SIL1: variants seen among roughly 807,000 people sequenced by gnomAD.
The protein encoded by SIL1 is SIL1 nucleotide exchange factor.
A neutral mutation model predicts 49.1 loss-of-function variants in SIL1; 40 were observed. The ratio of observed to expected loss-of-function variants is 0.81; its 90% CI spans 0.63 to 1.06. SIL1 has a LOEUF of 1.06. SIL1 is among the 50% of genes least tolerant of loss of function. The pLI is 0.00. For missense variants in SIL1, 500 were observed against 572.6 expected (o/e 0.87, Z 1.29); for synonymous variants, 253 against 250.8 (o/e 1.01, Z -0.08).
chr5:139,040,498 C>CTTTTCT (rs1769021486), intron 5 of SIL1, among the ~76,000 whole-genome samples: 1 of 105,328 alleles, frequency 9.5e-6, no homozygotes, highest in African/African-American at 3.6e-5. Flanking sequence ...TTTCTTTTTT[C>CTTTTCT]TTTTTTTTTT....
chr5:139,055,818 G>A (rs1004535214), intron 3 of SIL1, among the ~76,000 whole-genome samples: 3,751 of 149,898 alleles, frequency 0.025, 157 homozygotes, highest in African/African-American at 0.087. Context: ...TTGCAGGCAC[G>A]CGCCGCCACG....
chr5:138,951,043 GTCCA>G, intron 9 of SIL1, 124 bp downstream of exon 9: 2 of 1,062,372 alleles, frequency 1.9e-6, no homozygotes, highest in Admixed American at 2.0e-5. Context: ...CTGTCTGTCT[GTCCA>G]TCCATCCAGA....
chr5:139,106,201 C>T (rs938969723), intron 3 of SIL1, among the ~76,000 whole-genome samples: 2 of 152,240 alleles, frequency 1.3e-5, no homozygotes, highest in African/African-American at 2.4e-5. Context: ...CCAATCCATA[C>T]TCAAGGTCTG....
In SIL1 at chr5:139,127,831, T is replaced by C; in HGVS notation, c.13A>G (p.Ser5Gly). MAPQ[S>G]LPSSRMAPLG... ...GGAGCCATCCTAGATGAAGGCAGGC[T>C]CTGGGGAGCCATAGTCAGGGACCTG... Residue 5 changes from serine to glycine, a missense_variant, in exon 2 of 10, where the codon AGC (serine) becomes GGC (glycine). Transcript: ENST00000394817. 6.2e-7 allele frequency: 1 copy of C among 1,603,090 alleles called. No homozygotes were observed. The highest frequency in any genetic ancestry group is 1.3e-5 in the African/African-American group (1 of 74,408).
At chr5:138,988,483 G>A (rs918345038) in intron 7 of SIL1, among the ~76,000 whole-genome samples, 3 of 152,052 alleles carry the variant, frequency 2.0e-5, no homozygotes, top group Non-Finnish European at 2.9e-5. Flanking sequence ...TACCTCCTTC[G>A]TTTAAACAAT....
At chr5:139,018,378 T>C (rs1768444431) in intron 7 of SIL1, among the ~76,000 whole-genome samples, 1 of 152,112 alleles carries the variant, frequency 6.6e-6, no homozygotes, top group Non-Finnish European at 1.5e-5. Context: ...GACAGATTGC[T>C]TGAGTCCGGG....
chr5:139,060,994 G>T (rs1413957814), intron 3 of SIL1, among the ~76,000 whole-genome samples: 2 of 152,138 alleles, frequency 1.3e-5, no homozygotes, highest in African/African-American at 2.4e-5. Flanking sequence ...GAGTGAGGAG[G>T]TTCATCTGTA....
At chr5:138,997,471 G>A (rs1767894527) in intron 7 of SIL1, among the ~76,000 whole-genome samples, 1 of 152,066 alleles carries the variant, frequency 6.6e-6, no homozygotes. Flanking sequence ...CTGGGTTCTG[G>A]GTTCTGTTCC....
intron 1 of SIL1, among the ~76,000 whole-genome samples, chr5:139,141,894 A>G (rs1197684759): frequency 2.6e-5 from 4 of 152,182 alleles, no homozygotes; most frequent in Non-Finnish European, 5.9e-5. Context: ...TTATCAGCTG[A>G]CTTGTTCTGA....
At chr5:139,017,977 T>C (rs2150425576) in intron 7 of SIL1, among the ~76,000 whole-genome samples, 1 of 152,276 alleles carries the variant, frequency 6.6e-6, no homozygotes, top group East Asian at 1.9e-4. Flanking sequence ...ACGAAGCTGC[T>C]AAAAGCATCA....
chr5:138,995,170 C>T (rs1767837596), intron 7 of SIL1, among the ~76,000 whole-genome samples: 1 of 151,910 alleles, frequency 6.6e-6, no homozygotes, highest in Admixed American at 6.6e-5. Context: ...GCATGGGATA[C>T]ATGTGCTATT....
chr5:139,057,943 T>G (rs966214410), intron 3 of SIL1, among the ~76,000 whole-genome samples: 4 of 152,160 alleles, frequency 2.6e-5, no homozygotes, highest in African/African-American at 9.7e-5. Context: ...TCATGAGGCG[T>G]GGAACTCTCA....
intron 4 of SIL1, among the ~76,000 whole-genome samples, chr5:139,049,677 A>G (rs1397309447): frequency 6.6e-6 from 1 of 152,064 alleles, no homozygotes; most frequent in East Asian, 1.9e-4. Flanking sequence ...CTGTAGCCCC[A>G]GCCTACTCAG....
At chr5:138,993,117 C>T (rs1033168635) in intron 7 of SIL1, among the ~76,000 whole-genome samples, 2 of 152,162 alleles carry the variant, frequency 1.3e-5, no homozygotes, top group African/African-American at 4.8e-5. Flanking sequence ...CAAGGCACTA[C>T]GTTTTGGCCA....
intron 7 of SIL1, among the ~76,000 whole-genome samples, chr5:138,989,080 T>G (rs1256733120): frequency 6.6e-6 from 1 of 152,220 alleles, no homozygotes; most frequent in Non-Finnish European, 1.5e-5. Context: ...AAGGACACAG[T>G]GGAGGATACT....
chr5:138,974,396 C>T (rs1225035444), intron 7 of SIL1, among the ~76,000 whole-genome samples: 1 of 152,216 alleles, frequency 6.6e-6, no homozygotes, highest in Non-Finnish European at 1.5e-5. Flanking sequence ...GAAACATCAC[C>T]ACTGGCAGGA....
At chr5:139,077,629 T>A (rs1769980703) in intron 3 of SIL1, among the ~76,000 whole-genome samples, 1 of 152,108 alleles carries the variant, frequency 6.6e-6, no homozygotes, top group Admixed American at 6.6e-5. Flanking sequence ...CAGCAAGAAC[T>A]TTCCCAAAAG....
At chr5:139,076,770 G>A (rs1229935970) in intron 3 of SIL1, among the ~76,000 whole-genome samples, 1 of 152,166 alleles carries the variant, frequency 6.6e-6, no homozygotes, top group Admixed American at 6.6e-5. Flanking sequence ...ATGGCTAATG[G>A]TCACTCTTAC....
intron 1 of SIL1, among the ~76,000 whole-genome samples, chr5:139,136,273 T>A (rs1010439765): frequency 6.6e-6 from 1 of 152,134 alleles, no homozygotes; most frequent in African/African-American, 2.4e-5. Flanking sequence ...ACAATTGGAA[T>A]TCAATGCCAT....
Sources: gnomAD v4.1 joint callset for allele counts (sites outside exome capture counted in the v4.1 genomes callset) on GRCh38, gnomAD v4.1.1 for gene constraint, MANE v1.5 for transcripts, NCBI Gene and HGNC (gene_info 2026-07-23, HGNC 2026-07-21) for gene names.